ATP11C: variants seen among roughly 807,000 people sequenced by gnomAD.
ATP11C encodes ATPase phospholipid transporting 11C (ATP11C blood group).
In ATP11C, 36 loss-of-function variants were observed where a neutral mutation model predicts 97.4. The observed-to-expected ratio is 0.37, with a 90% CI of 0.28 to 0.49. ATP11C has a LOEUF of 0.49. Ranked by LOEUF, ATP11C falls within the 20% of genes least tolerant of loss-of-function variation. ATP11C has a pLI of 0.98. For missense variants in ATP11C, 730 were observed against 824.6 expected (o/e 0.89, Z 1.40); for synonymous variants, 275 against 290.9 (o/e 0.95, Z 0.56).
intron 19 of ATP11C, among the ~76,000 whole-genome samples, chrX:139,770,508 A>T (rs1351894584): frequency 8.9e-6 from 1 of 111,778 alleles, no homozygotes; most frequent in Admixed American, 9.5e-5. Flanking sequence ...AGCGGATATG[A>T]TATGGACAGT....
intron 1 of ATP11C, among the ~76,000 whole-genome samples, chrX:139,900,099 G>A (rs4824917): frequency 0.045 from 4,963 of 111,431 alleles, 123 homozygotes; most frequent in Non-Finnish European, 0.061. Context: ...GGCCGGGCGC[G>A]GTGGCTCATG....
At chrX:139,902,528 A>G (rs189361181) in intron 1 of ATP11C, among the ~76,000 whole-genome samples, 2 of 111,782 alleles carry the variant, frequency 1.8e-5, no homozygotes, top group African/African-American at 3.2e-5. Flanking sequence ...ACCTGATGCA[A>G]TGGCCCTAGG....
At chrX:139,880,753 G>C (rs1343395101) in intron 1 of ATP11C, among the ~76,000 whole-genome samples, 1 of 111,739 alleles carries the variant, frequency 8.9e-6, no homozygotes, top group Non-Finnish European at 1.9e-5. Context: ...TCTTAAGTTA[G>C]CTATATGTAA....
rs998233024 is a variant in ATP11C at position 139,727,807 on chromosome X, T to C, written c.*1159A>G. 1 of 112,278 alleles carries C rather than the reference T, an allele frequency of 8.9e-6. No homozygotes were observed. Among genetic ancestry groups the C allele is most frequent in the African/African-American group, 3.2e-5 (1 of 30,902 alleles). 9.3% of individuals were successfully genotyped at this position (112,278 alleles called of 1,213,427 possible). On this transcript the variant is annotated 3_prime_UTR_variant, in exon 30 of 30. Transcript: ENST00000682941. Reference sequence around the variant, plus strand: ...GGCTAAACCTTCCTTCTAGTTCAGTTAGTCAAGGACTTTACTAAGGTCAGT... The same window carrying C: ...GGCTAAACCTTCCTTCTAGTTCAGTCAGTCAAGGACTTTACTAAGGTCAGT...
intron 1 of ATP11C, among the ~76,000 whole-genome samples, chrX:139,907,081 ACTTT>A (rs1010566183): frequency 2.7e-5 from 3 of 111,171 alleles, no homozygotes; most frequent in African/African-American, 9.8e-5. Context: ...CACCCCTGAC[ACTTT>A]CTATCATCAT....
At chrX:139,794,101 T>C (rs755335895) in intron 12 of ATP11C, among the ~76,000 whole-genome samples, 1 of 112,268 alleles carries the variant, frequency 8.9e-6, no homozygotes, top group East Asian at 2.8e-4. Context: ...CATTTGGTTG[T>C]CTAAAAGATT....
intron 1 of ATP11C, among the ~76,000 whole-genome samples, chrX:139,842,803 A>G (rs761978998): frequency 1.8e-5 from 2 of 111,985 alleles, no homozygotes; most frequent in African/African-American, 6.5e-5. Flanking sequence ...CCAGGCTCCA[A>G]AGCTAGAGTC....
intron 1 of ATP11C, among the ~76,000 whole-genome samples, chrX:139,876,872 G>A (rs1231228926): frequency 8.9e-6 from 1 of 112,389 alleles, no homozygotes; most frequent in Non-Finnish European, 1.9e-5. Flanking sequence ...AAACCAAAAT[G>A]CAGTAAGAGG....
At chrX:139,928,378 G>A (rs2085385114) in intron 1 of ATP11C, among the ~76,000 whole-genome samples, 1 of 109,468 alleles carries the variant, frequency 9.1e-6, no homozygotes, top group African/African-American at 3.3e-5. Context: ...ATATTTTCCC[G>A]CTCGTCAATG....
At chrX:139,807,279 A>G (rs1603379003) in intron 5 of ATP11C, among the ~76,000 whole-genome samples, 1 of 102,011 alleles carries the variant, frequency 9.8e-6, no homozygotes, top group African/African-American at 3.6e-5. Flanking sequence ...GGAACACCAT[A>G]AAAAACTCTC....
intron 23 of ATP11C, among the ~76,000 whole-genome samples, chrX:139,757,248 C>T (rs147345044): frequency 0.011 from 1,212 of 111,482 alleles, 18 homozygotes; most frequent in African/African-American, 0.037. Flanking sequence ...ATACCTCCCA[C>T]TAGAAGCAAT....
At chrX:139,859,634 T>TG (rs1487296298) in intron 1 of ATP11C, among the ~76,000 whole-genome samples, 1 of 111,941 alleles carries the variant, frequency 8.9e-6, no homozygotes, top group Non-Finnish European at 1.9e-5. Context: ...AACCCTCACG[T>TG]AAACAGTAAA....
rs2077227347 is a variant in ATP11C at position 139,819,418 on chromosome X, A to G, written c.157T>C (p.Trp53Arg). The G allele has an allele frequency of 1.8e-6, 2 of 1,095,836 alleles. No homozygotes were observed. The highest frequency in any genetic ancestry group is 2.2e-5 in the South Asian group (1 of 45,387). The allele number at this position is 1,095,836 out of a possible 1,213,427, so 90.3% of individuals were successfully genotyped here. Residue 53 changes from tryptophan to arginine, a missense_variant, in exon 3 of 30, where the codon TGG becomes CGG. By Grantham distance (101) the Trp-to-Arg change is moderately radical (BLOSUM62 -3). Coordinates refer to ENST00000682941, the MANE Select transcript of ATP11C (RefSeq NM_001353812.2). The part of the protein sequence containing the change: ...NRIVSSKYTL[W>R]NFLPKNLFEQ... ...AACAGATTCTTTGGGAGAAAATTCC[A>G]AAGTGTATACTGTAAGGGAGGAAGA... is the stretch of plus-strand genomic sequence containing the variant.
At chrX:139,736,235 T>A (rs1234480144) in intron 28 of ATP11C, among the ~76,000 whole-genome samples, 1 of 112,085 alleles carries the variant, frequency 8.9e-6, no homozygotes, top group East Asian at 2.8e-4. Flanking sequence ...CACAATTTAA[T>A]GGTCTATGTA....
chrX:139,727,380 T>C lies in ATP11C; in HGVS notation c.*1586A>G, dbSNP rs913933781. The C allele has an allele frequency of 9.0e-6, 1 of 111,728 alleles. No homozygotes were observed. Among genetic ancestry groups the C allele is most frequent in the African/African-American group, 3.3e-5 (1 of 30,711 alleles). 9.2% of individuals were successfully genotyped at this position (111,728 alleles called of 1,213,427 possible). ...CCAGAACACAGCACACTTAGGTAAGTTGTGAATGACATGTAACAAAATGCT... is the reference window on the plus strand; with the variant it reads ...CCAGAACACAGCACACTTAGGTAAGCTGTGAATGACATGTAACAAAATGCT... On this transcript the variant is annotated 3_prime_UTR_variant, in exon 30 of 30. Transcript: ENST00000682941.
At chrX:139,772,375 A>C (rs938088538) in intron 19 of ATP11C, among the ~76,000 whole-genome samples, 1 of 112,100 alleles carries the variant, frequency 8.9e-6, no homozygotes. Flanking sequence ...CAGAAGGGAA[A>C]TGTGGTGTTG....
intron 19 of ATP11C, among the ~76,000 whole-genome samples, chrX:139,771,617 G>A (rs768846857): frequency 9.0e-6 from 1 of 111,629 alleles, no homozygotes; most frequent in East Asian, 2.8e-4. Context: ...TTCAGGCTGA[G>A]GTGGTCTCAG....
chrX:139,830,406 G>C (rs1388405466), intron 1 of ATP11C, among the ~76,000 whole-genome samples: 3 of 111,628 alleles, frequency 2.7e-5, no homozygotes, highest in Non-Finnish European at 5.7e-5. Context: ...GCTTTCCAAA[G>C]GTTAAAAATA....
chrX:139,822,426 T>G (rs2083432392), intron 2 of ATP11C, among the ~76,000 whole-genome samples: 1 of 109,825 alleles, frequency 9.1e-6, no homozygotes, highest in Non-Finnish European at 1.9e-5. Flanking sequence ...TTTGTTTGTT[T>G]TTTTTGAGAC....
Sources: gnomAD v4.1 joint callset for allele counts (sites outside exome capture counted in the v4.1 genomes callset) on GRCh38, gnomAD v4.1.1 for gene constraint, MANE v1.5 for transcripts, NCBI Gene and HGNC (gene_info 2026-07-23, HGNC 2026-07-21) for gene names.